Variants in DIP2B observed in about 807,000 individuals in gnomAD.
DIP2B encodes DIP2 acetate--CoA ligase B (putative), also known as disco-interacting protein 2 homolog B.
A neutral mutation model predicts 198.0 loss-of-function variants in DIP2B; 76 were observed. That is an observed-to-expected ratio of 0.38 (90% CI 0.32 to 0.46). DIP2B has a LOEUF of 0.46. DIP2B is among the 20% of genes least tolerant of loss of function. The pLI is 0.99. For synonymous variants in DIP2B, 701 were observed against 739.1 expected, an observed-to-expected ratio of 0.95 and a Z score of 0.84; for missense variants, 1,559 against 1,978.4, an observed-to-expected ratio of 0.79 and a Z score of 4.02.
At chr12:50,732,284 C>G (rs1433331676) in intron 31 of DIP2B, 82 bp from the exon 32 acceptor site, 1 of 1,491,758 alleles carries the variant, frequency 6.7e-7, no homozygotes, top group African/African-American at 1.4e-5. Context: ...TTTTCCTGAC[C>G]AAGGAGCTAG....
At chr12:50,641,128 G>A (rs1036009212) in intron 3 of DIP2B, among the ~76,000 whole-genome samples, 2 of 152,122 alleles carry the variant, frequency 1.3e-5, no homozygotes, top group Non-Finnish European at 2.9e-5. Context: ...AGGCTGAGGC[G>A]GGCAGATCAC....
At chr12:50,546,656 A>G (rs1242681129) in intron 1 of DIP2B, among the ~76,000 whole-genome samples, 4 of 152,202 alleles carry the variant, frequency 2.6e-5, no homozygotes, top group African/African-American at 9.7e-5. Flanking sequence ...CATGCAAAGT[A>G]TTTCCTGATT....
At chr12:50,736,407 A>G (rs949921364) in intron 34 of DIP2B, among the ~76,000 whole-genome samples, 1 of 152,220 alleles carries the variant, frequency 6.6e-6, no homozygotes, top group African/African-American at 2.4e-5. Flanking sequence ...CCCAAGATAA[A>G]AAGGGAGTTT....
intron 1 of DIP2B, among the ~76,000 whole-genome samples, chr12:50,530,103 GTCTC>G (rs915959213): frequency 6.6e-6 from 1 of 151,908 alleles, no homozygotes; most frequent in Middle Eastern, 3.2e-3. Context: ...TTGAGACAGG[GTCTC>G]TCTCTGTCGC....
intron 1 of DIP2B, among the ~76,000 whole-genome samples, chr12:50,580,022 G>T (rs1048059012): frequency 7.3e-6 from 1 of 136,582 alleles, no homozygotes; most frequent in African/African-American, 2.7e-5. Flanking sequence ...GCTTAACCTA[G>T]ACCTTGTGGG....
At chr12:50,645,442 G>A (rs1215022229) in intron 3 of DIP2B, among the ~76,000 whole-genome samples, 3 of 150,818 alleles carry the variant, frequency 2.0e-5, no homozygotes, top group Non-Finnish European at 4.4e-5. Context: ...TGCAAATATG[G>A]AAGGATGTAC....
intron 1 of DIP2B, among the ~76,000 whole-genome samples, chr12:50,551,687 GC>G (rs1958428530): frequency 6.6e-6 from 1 of 152,140 alleles, no homozygotes; most frequent in African/African-American, 2.4e-5. Flanking sequence ...CACGTGATCT[GC>G]CCGCCTTGGC....
intron 3 of DIP2B, among the ~76,000 whole-genome samples, chr12:50,643,216 C>T (rs1181369996): frequency 6.6e-6 from 1 of 152,128 alleles, no homozygotes; most frequent in African/African-American, 2.4e-5. Context: ...TTTTGAGCTT[C>T]ACCTGTTAAA....
intron 1 of DIP2B, among the ~76,000 whole-genome samples, chr12:50,521,351 C>A (rs1319388529): frequency 6.6e-6 from 1 of 151,888 alleles, no homozygotes; most frequent in Non-Finnish European, 1.5e-5. Flanking sequence ...GTGATCCACC[C>A]GCCTCAGCCT....
chr12:50,706,709 C>A (rs375817111), intron 21 of DIP2B, 44 bp downstream of exon 21: 2 of 1,597,264 alleles, frequency 1.3e-6, no homozygotes, highest in Admixed American at 1.7e-5. Context: ...TTAATGGAAT[C>A]TAAATACATC....
At chr12:50,736,424 G>A (rs7977742) in intron 34 of DIP2B, among the ~76,000 whole-genome samples, 39,481 of 152,102 alleles carry the variant, frequency 0.26, 5,807 homozygotes, top group Non-Finnish European at 0.33. Context: ...GTTTGAAGGG[G>A]GCAGAATATG....
chr12:50,636,006 T>A (rs1469914072), intron 2 of DIP2B, among the ~76,000 whole-genome samples: 1 of 152,220 alleles, frequency 6.6e-6, no homozygotes, highest in East Asian at 1.9e-4. Context: ...TACAAGATGC[T>A]TAAGACCAGC....
At chr12:50,680,277 AAAAAACTT>A (rs1202341989) in intron 8 of DIP2B, 1 of 153,540 alleles carries the variant, frequency 6.5e-6, no homozygotes, top group East Asian at 1.9e-4. Flanking sequence ...AAAAAAAAAA[AAAAAACTT>A]AGAACAGAAG....
chr12:50,744,189 G>GTA (rs1940305899), intron 37 of DIP2B, among the ~76,000 whole-genome samples: 1 of 152,012 alleles, frequency 6.6e-6, no homozygotes, highest in Non-Finnish European at 1.5e-5. Context: ...TTTAGTAGAG[G>GTA]CGGGATTTCG....
intron 1 of DIP2B, among the ~76,000 whole-genome samples, chr12:50,604,007 T>C (rs117520510): frequency 6.6e-6 from 1 of 152,190 alleles, no homozygotes; most frequent in Non-Finnish European, 1.5e-5. Flanking sequence ...ACCTTGGCAT[T>C]GACCAGAGTA....
chr12:50,547,208 C>A (rs1439204095), intron 1 of DIP2B, among the ~76,000 whole-genome samples: 1 of 152,154 alleles, frequency 6.6e-6, no homozygotes, highest in African/African-American at 2.4e-5. Context: ...ATTATTGATT[C>A]AGTTGGTAAT....
At chr12:50,618,566 G>A (rs182886285) in intron 1 of DIP2B, among the ~76,000 whole-genome samples, 61 of 152,284 alleles carry the variant, frequency 4.0e-4, no homozygotes, top group East Asian at 7.7e-4. Context: ...AATTTGGAGC[G>A]TCTCTGTAAA....
At chr12:50,505,292 C>T in intron 1 of DIP2B, 52 bp downstream of exon 1, 2 of 1,387,910 alleles carry the variant, frequency 1.4e-6, no homozygotes, top group South Asian at 1.5e-5. Context: ...ATCGCGGCGA[C>T]TTGGGAGACA....
At chr12:50,607,125 G>A (rs1181362169) in intron 1 of DIP2B, among the ~76,000 whole-genome samples, 1 of 147,582 alleles carries the variant, frequency 6.8e-6, no homozygotes, top group East Asian at 2.0e-4. Flanking sequence ...TTTTTTTTGA[G>A]GTTTTGATGG....
Sources: gnomAD v4.1 joint callset for allele counts (sites outside exome capture counted in the v4.1 genomes callset) on GRCh38, gnomAD v4.1.1 for gene constraint, MANE v1.5 for transcripts, NCBI Gene and HGNC (gene_info 2026-07-23, HGNC 2026-07-21) for gene names.